The following PRRX1 variants were observed in gnomAD, a reference collection of about 807,000 sequenced individuals.
PRRX1 encodes the protein paired mesoderm homeobox protein 1.
In PRRX1, 8 loss-of-function variants were observed where a neutral mutation model predicts 24.0. The observed-to-expected ratio is 0.33, with a 90% CI of 0.20 to 0.60. PRRX1 has a LOEUF of 0.60. Among genes scored for constraint, PRRX1 ranks in the 20% least tolerant of loss-of-function variants. The pLI is 0.82. For synonymous variants in PRRX1, 160 were observed against 131.7 expected (o/e 1.22, Z -1.47); for missense variants, 281 against 322.4 (o/e 0.87, Z 0.98).
Position 170,667,296 on chromosome 1 carries a change from A to ACG in PRRX1, c.241+2851_241+2852dup, listed in dbSNP as rs779067237. 223 of 129,788 alleles carry ACG rather than the reference A, an allele frequency of 1.7e-3. 1 individual carries two copies. Among genetic ancestry groups the ACG allele is most frequent in the East Asian group, 1.5e-3 (7 of 4,790 alleles). The allele number at this position is 129,788 out of a possible 1,614,324, so 8.0% of individuals were successfully genotyped here. On this transcript the variant is annotated intron_variant, in intron 1 of 3. Coordinates refer to ENST00000239461, the MANE Select transcript of PRRX1 (RefSeq NM_022716.4). The stretch of plus-strand genomic sequence containing the variant: ...CTAGGAAAGTAGCCGAGAAACACAC[A>ACG]CGCGCGCGCGCGCGCACACACACAC...
chr1:170,712,875 T>G (rs1299664532), intron 1 of PRRX1, among the ~76,000 whole-genome samples: 3 of 152,186 alleles, frequency 2.0e-5, no homozygotes, highest in Non-Finnish European at 4.4e-5. Context: ...TATAGCTAGT[T>G]GGGTCTGACA....
In PRRX1 at chr1:170,736,562, A is replaced by G; in HGVS notation, c.*376A>G. On this transcript the variant is annotated 3_prime_UTR_variant, in exon 4 of 4. Coordinates refer to ENST00000239461, the MANE Select transcript of PRRX1 (RefSeq NM_022716.4). Reference sequence around the variant, plus strand: ...AAAGAAACTATATATATATATATATATATATATATCCAGAATGATTGCCTC... The same window carrying G: ...AAAGAAACTATATATATATATATATGTATATATATCCAGAATGATTGCCTC... 2 of 201,686 alleles carry G rather than the reference A, an allele frequency of 9.9e-6. No individual in the cohort carries two copies. The highest frequency in any genetic ancestry group is 2.0e-5 in the Non-Finnish European group (2 of 101,958). 12.5% of individuals were successfully genotyped at this position (201,686 alleles called of 1,614,324 possible).
chr1:170,707,444 C>T (rs1176920518), intron 1 of PRRX1, among the ~76,000 whole-genome samples: 1 of 152,164 alleles, frequency 6.6e-6, no homozygotes, highest in Non-Finnish European at 1.5e-5. Context: ...TAGAATGTCC[C>T]CACCTTTGCC....
At chr1:170,690,291 C>A (rs534816820) in intron 1 of PRRX1, among the ~76,000 whole-genome samples, 12 of 151,866 alleles carry the variant, frequency 7.9e-5, no homozygotes, top group Admixed American at 6.6e-4. Context: ...ATGGCTTCTG[C>A]GATGGAGTCA....
intron 1 of PRRX1, among the ~76,000 whole-genome samples, chr1:170,690,943 A>G (rs1026991345): frequency 6.6e-6 from 1 of 152,160 alleles, no homozygotes. Context: ...AGTCCATCAG[A>G]AAAGGCTTGA....
intron 1 of PRRX1, among the ~76,000 whole-genome samples, chr1:170,691,469 TCC>T (rs1196645320): frequency 7.6e-6 from 1 of 132,166 alleles, no homozygotes; most frequent in Non-Finnish European, 1.7e-5. Flanking sequence ...TCCTTTCCTT[TCC>T]TTTCCTTTCC....
rs1376998644 is a variant in PRRX1 at position 170,737,833 on chromosome 1, C to G, written c.*1647C>G. ...CCTACCTCACAGGGGTGTTGTGAGG[C>G]TCTATTCATTTGCTCCTTTATTCTT... On this transcript the variant is annotated 3_prime_UTR_variant, in exon 4 of 4. Coordinates refer to ENST00000239461, the MANE Select transcript of PRRX1 (RefSeq NM_022716.4). The G allele has an allele frequency of 4.6e-6, 1 of 215,160 alleles. No homozygotes were observed. The highest frequency in any genetic ancestry group is 9.4e-6 in the Non-Finnish European group (1 of 106,348). 13.3% of individuals were successfully genotyped at this position (215,160 alleles called of 1,614,324 possible).
chr1:170,664,588 T>A, intron 1 of PRRX1, 129 bp downstream of exon 1: 1 of 1,386,854 alleles, frequency 7.2e-7, no homozygotes, highest in Non-Finnish European at 9.6e-7. Flanking sequence ...GATGGCAGAC[T>A]TCAAAGGAAG....
At chr1:170,730,589 G>A (rs1187922902) in intron 3 of PRRX1, 5 of 473,082 alleles carry the variant, frequency 1.1e-5, no homozygotes, top group East Asian at 3.6e-5. Flanking sequence ...CTGGGATCGC[G>A]TGACTGTGCA....
At position 170,738,270 on chromosome 1, in the gene PRRX1, G is replaced by C. The variant is rs1655687416; in HGVS notation, c.*2084G>C. The C allele has an allele frequency of 4.4e-6, 1 of 224,808 alleles. No individual in the cohort carries two copies. Among genetic ancestry groups the C allele is most frequent in the Admixed American group, 5.7e-5 (1 of 17,442 alleles). 13.9% of individuals were successfully genotyped at this position (224,808 alleles called of 1,614,324 possible). A position where few individuals can be genotyped will look rare whatever the true frequency, so the allele number is the denominator to read the frequency against. On this transcript the variant is annotated 3_prime_UTR_variant, in exon 4 of 4. Coordinates refer to ENST00000239461, the MANE Select transcript of PRRX1 (RefSeq NM_022716.4). Reference sequence around the variant, plus strand: ...TTAGCACACATTTGTATTTCCCTTGGCATATCAGATTGAGCTAATGGTGAT... The same window carrying C: ...TTAGCACACATTTGTATTTCCCTTGCCATATCAGATTGAGCTAATGGTGAT...
intron 1 of PRRX1, 102 bp from the exon 2 acceptor site, chr1:170,719,624 A>T: frequency 7.7e-7 from 1 of 1,302,776 alleles, no homozygotes; most frequent in East Asian, 2.4e-5. Context: ...TAAAGATGTG[A>T]GCAAATGAAG....
chr1:170,720,577 G>A (rs931967098), intron 2 of PRRX1, among the ~76,000 whole-genome samples: 4 of 152,104 alleles, frequency 2.6e-5, no homozygotes, highest in Admixed American at 2.0e-4. Flanking sequence ...ATCTGATCTC[G>A]AAGTGGTTAA....
chr1:170,683,358 C>T (rs1279415870), intron 1 of PRRX1, among the ~76,000 whole-genome samples: 1 of 152,168 alleles, frequency 6.6e-6, no homozygotes, highest in Non-Finnish European at 1.5e-5. Flanking sequence ...CTGACGGAGC[C>T]AGCGGAGTTT....
intron 1 of PRRX1, 145 bp downstream of exon 1, chr1:170,664,604 G>T: frequency 7.6e-7 from 1 of 1,311,712 alleles, no homozygotes; most frequent in Non-Finnish European, 1.0e-6. Flanking sequence ...GGAAGGGCCA[G>T]TCACAGGGGA....
chr1:170,663,450 C>G (rs1652795314), upstream of PRRX1: 1 of 151,660 alleles, frequency 6.6e-6, no homozygotes, highest in Non-Finnish European at 1.5e-5. Context: ...AGGGGGGAAC[C>G]CACCAGCACC....
chr1:170,689,839 C>CCTCTCTCTCTCTCT (rs71559512), intron 1 of PRRX1, among the ~76,000 whole-genome samples: 69 of 91,644 alleles, frequency 7.5e-4, no homozygotes, highest in East Asian at 1.3e-3. Flanking sequence ...TCTCTCTCTC[C>CCTCTCTCTCTCTCT]CTCTCTCTCT....
intron 1 of PRRX1, among the ~76,000 whole-genome samples, chr1:170,675,363 T>C (rs1653284436): frequency 6.6e-6 from 1 of 152,200 alleles, no homozygotes; most frequent in Admixed American, 6.5e-5. Context: ...TTACATGATT[T>C]GGTGAGGAAG....
intron 1 of PRRX1, chr1:170,669,013 G>A (rs1027012199): frequency 1.3e-5 from 2 of 152,088 alleles, no homozygotes; most frequent in Admixed American, 6.6e-5. Context: ...AGAAGTAGGG[G>A]CCCGGGTTAC....
intron 1 of PRRX1, among the ~76,000 whole-genome samples, chr1:170,705,584 T>C (rs1450835460): frequency 6.6e-6 from 1 of 152,142 alleles, no homozygotes; most frequent in Non-Finnish European, 1.5e-5. Flanking sequence ...CTCCTGGCCC[T>C]GAAATATCTA....
Sources: allele counts gnomAD v4.1 joint callset (sites outside exome capture counted in the v4.1 genomes callset), GRCh38; gene constraint gnomAD v4.1.1; transcripts MANE v1.5; gene names NCBI Gene and HGNC (gene_info 2026-07-23, HGNC 2026-07-21).